The following DHX37 variants were observed in gnomAD, a reference collection of about 807,000 sequenced individuals.
DHX37 encodes probable ATP-dependent RNA helicase DHX37.
Under a neutral mutation model 134.3 loss-of-function variants are expected in DHX37, and 52 were observed. The ratio of observed to expected loss-of-function variants is 0.39; its 90% confidence interval spans 0.31 to 0.49. The LOEUF (loss-of-function observed/expected upper bound fraction) is 0.49. DHX37 is among the 20% of genes least tolerant of loss of function. The pLI, the probability that DHX37 is intolerant of heterozygous loss-of-function variation, is 0.93. For missense variants in DHX37, 1,344 were observed against 1,580.8 expected, an observed-to-expected ratio of 0.85 and a Z score of 2.54; for synonymous variants, 634 against 670.7, an observed-to-expected ratio of 0.95 and a Z score of 0.85.
intron 2 of DHX37, among the ~76,000 whole-genome samples, chr12:124,985,608 G>A (rs564613775): frequency 1.3e-5 from 2 of 149,242 alleles, no homozygotes; most frequent in African/African-American, 2.5e-5. Context: ...ATAGCCTGAC[G>A]TGGTGGCACG....
At chr12:124,953,859 C>G in intron 20 of DHX37, 21 bp downstream of exon 20, 1 of 1,606,132 alleles carries the variant, frequency 6.2e-7, no homozygotes, top group South Asian at 1.1e-5. Flanking sequence ...GGTGCAGCGG[C>G]GTGCCGGCAC....
rs370122962 is a variant in DHX37 at position 124,950,821 on chromosome 12, G to C, written c.2869-17C>G. The C allele has an allele frequency of 4.4e-6, 7 of 1,594,952 alleles. No individual in the cohort carries two copies. In the African/African-American group the frequency reaches 9.5e-5, roughly 22 times the overall value. On this transcript the variant is annotated splice_polypyrimidine_tract_variant and intron_variant, in intron 21 of 26. Coordinates refer to ENST00000308736, the MANE Select transcript of DHX37 (RefSeq NM_032656.4). ...GAGAGGGGTCTGCAGAGAATGGAGA[G>C]TGATGTGGTCAGGGAAGAACCCATG...
intron 16 of DHX37, among the ~76,000 whole-genome samples, chr12:124,957,673 G>C (rs991431110): frequency 3.3e-5 from 5 of 152,184 alleles, no homozygotes; most frequent in African/African-American, 1.2e-4. Flanking sequence ...TGTAGTCCCA[G>C]CTACTTGGGA....
chr12:124,954,059 G>A lies in DHX37; in HGVS notation c.2578+28C>T, dbSNP rs199885185. On this transcript the variant is annotated intron_variant, in intron 19 of 26. Coordinates refer to ENST00000308736, the MANE Select transcript of DHX37 (RefSeq NM_032656.4). ...CATCCCAGACCTGGGTGACCCTCCCGCCACCCTCCAACGGGCAGGGCACAA... is the reference window on the plus strand; with the variant it reads ...CATCCCAGACCTGGGTGACCCTCCCACCACCCTCCAACGGGCAGGGCACAA... 3.1e-5 allele frequency: 50 copies of A among 1,607,124 alleles called. 1 individual carries two copies. The highest frequency in any genetic ancestry group is 4.5e-5 in the East Asian group (2 of 44,702).
chr12:124,970,924 C>T (rs998168028), intron 8 of DHX37, among the ~76,000 whole-genome samples: 11 of 152,220 alleles, frequency 7.2e-5, no homozygotes, highest in African/African-American at 2.4e-4. Context: ...CTCAGAGCTC[C>T]GGGAGCCTGG....
At chr12:124,978,839 G>A (rs1789719099) in intron 4 of DHX37, among the ~76,000 whole-genome samples, 1 of 151,828 alleles carries the variant, frequency 6.6e-6, no homozygotes, top group South Asian at 2.1e-4. Context: ...GGCTGAGGTG[G>A]GAGGACCGCT....
chr12:124,965,101 A>T (rs1178508839), intron 13 of DHX37, 95 bp from the exon 14 acceptor site: 2 of 1,359,604 alleles, frequency 1.5e-6, no homozygotes, highest in African/African-American at 2.9e-5. Context: ...AGGCTGCTCC[A>T]CCAGAGCTCC....
intron 15 of DHX37, among the ~76,000 whole-genome samples, chr12:124,963,925 G>A (rs1954324377): frequency 6.7e-6 from 1 of 148,688 alleles, no homozygotes; most frequent in African/African-American, 2.5e-5. Context: ...GAGTAGGCCA[G>A]GCATGGTGGC....
rs2135927062 is a variant in DHX37, at chr12:124,950,522, G to T, written c.3012C>A (p.Ile1004=). 6.4e-7 allele frequency: 1 copy of T among 1,563,932 alleles called. No homozygotes were observed. Among genetic ancestry groups the T allele is most frequent in the Non-Finnish European group, 8.7e-7 (1 of 1,155,256 alleles). ...KGVSSVEVQW[I]PALLPSYCQF... ...GGCAGTAAGAGGGCAGCAGGGCCGG[G>T]ATCCACTGGACCTCCACGCTAGAGA... Residue 1004 remains isoleucine (I), a synonymous_variant, in exon 23 of 27, where the codon ATC becomes ATA. Coordinates refer to ENST00000308736, the MANE Select transcript of DHX37 (RefSeq NM_032656.4).
At chr12:124,985,053 G>A (rs916817921) in intron 2 of DHX37, among the ~76,000 whole-genome samples, 10 of 152,122 alleles carry the variant, frequency 6.6e-5, no homozygotes, top group African/African-American at 2.2e-4. Context: ...GCCTGGAGCC[G>A]CCAGGAGCAG....
At chr12:124,986,960 G>A (rs114140766) in intron 1 of DHX37, among the ~76,000 whole-genome samples, 1 of 151,906 alleles carries the variant, frequency 6.6e-6, no homozygotes, top group African/African-American at 2.4e-5. Flanking sequence ...TTAGCCAGGC[G>A]GTCTCGAACT....
chr12:124,961,264 ATACACGCGTGCACGCACACACACT>A (rs201836304), intron 15 of DHX37, among the ~76,000 whole-genome samples: 11,995 of 124,810 alleles, frequency 0.096, 558 homozygotes, highest in South Asian at 0.12. Flanking sequence ...ACGCACACAC[ATACACGCGTGCACGCACACACACT>A]TACACGCGTG....
chr12:124,956,766 T>G lies in DHX37; in HGVS notation c.2378A>C (p.Gln793Pro), dbSNP rs1481624131. Residue 793 changes from glutamine (Q) to proline (P), a missense_variant, in exon 18 of 27, where the codon CAA becomes CCA. This residue lies in a region of DHX37 where 558 missense variants were observed against 650.0 expected (regional missense o/e 0.86). Transcript: ENST00000308736. ...RYAKMLALSRQHGCLPYAITI... is the reference protein window; with the variant it reads ...RYAKMLALSRPHGCLPYAITI... The stretch of plus-strand genomic sequence containing the variant: ...GATGGCATAGGGCAGGCAGCCGTGT[T>G]GTCGGCTCAGTGCCAGCATCTTAGC... 1 of 1,610,698 alleles carries G rather than the reference T, an allele frequency of 6.2e-7. No homozygotes were observed. Among genetic ancestry groups the G allele is most frequent in the African/African-American group, 1.3e-5 (1 of 74,794 alleles).
intron 6 of DHX37, among the ~76,000 whole-genome samples, chr12:124,973,618 T>C (rs1859023575): frequency 1.3e-5 from 2 of 148,402 alleles, no homozygotes; most frequent in African/African-American, 5.0e-5. Context: ...TCTACTTATG[T>C]ATATGCGCCC....
At chr12:124,974,998 A>G (rs1954603872) in intron 6 of DHX37, among the ~76,000 whole-genome samples, 2 of 152,140 alleles carry the variant, frequency 1.3e-5, no homozygotes, top group South Asian at 4.1e-4. Context: ...TTGGTCTCGA[A>G]TTCCAGACCT....
chr12:124,954,700 T>C (rs1292327952), intron 18 of DHX37, among the ~76,000 whole-genome samples: 2 of 152,182 alleles, frequency 1.3e-5, no homozygotes, highest in East Asian at 3.8e-4. Context: ...GCCCGGCCAC[T>C]GCACCATTTT....
rs1016847186 is a variant in DHX37, at chr12:124,980,214, G to T, written c.738+276C>A. Among the ~76,000 whole-genome samples, 12 of 152,356 alleles carry T rather than the reference G, an allele frequency of 7.9e-5. No individual in the cohort carries two copies. The highest frequency in any genetic ancestry group is 7.8e-4 in the Admixed American group (12 of 15,308). ...GATCGGGGCAGCCCAGGCCAGGCCC[G>T]CTGGTCAGAGGGCAGTGGCGATGAA... On this transcript the variant is annotated intron_variant, in intron 4 of 26. Coordinates refer to ENST00000308736, the MANE Select transcript of DHX37 (RefSeq NM_032656.4). The surrounding 1 kb of genome is among the most constrained non-coding windows in gnomAD (Gnocchi z 5.3).
At chr12:124,976,537 C>G (rs1351153224) in intron 5 of DHX37, among the ~76,000 whole-genome samples, 2 of 152,012 alleles carry the variant, frequency 1.3e-5, no homozygotes, top group East Asian at 3.9e-4. Context: ...CACGGTGAAA[C>G]TCTGTCTCTT....
intron 18 of DHX37, among the ~76,000 whole-genome samples, chr12:124,954,516 C>T (rs886865413): frequency 6.6e-6 from 1 of 152,076 alleles, no homozygotes; most frequent in African/African-American, 2.4e-5. Context: ...GACTCAGCCT[C>T]CCGAGTAGCT....
Sources: gnomAD v4.1 joint callset for allele counts (sites outside exome capture counted in the v4.1 genomes callset) on GRCh38, gnomAD v4.1.1 for gene constraint, gnomAD v4.1.1 regional missense constraint, Gnocchi (gnomAD v3.1) non-coding constraint, MANE v1.5 for transcripts, NCBI Gene and HGNC (gene_info 2026-07-23, HGNC 2026-07-21) for gene names.